Variants in DLC1 observed in about 807,000 individuals in gnomAD.
The protein encoded by DLC1 is rho GTPase-activating protein 7.
In DLC1, 54 loss-of-function variants were observed where a neutral mutation model predicts 140.3. The ratio of observed to expected loss-of-function variants is 0.38; its 90% CI spans 0.31 to 0.48. The LOEUF is 0.48. Among genes scored for constraint, DLC1 ranks in the 20% least tolerant of loss-of-function variants. The probability of loss-of-function intolerance (pLI) is 0.96; values close to 1 mark genes in which losing one functional copy is unlikely to be tolerated. For missense variants in DLC1, 2,536 were observed against 1,907.0 expected, an observed-to-expected ratio of 1.33 and a Z score of -6.14; for synonymous variants, 986 against 728.1, an observed-to-expected ratio of 1.35 and a Z score of -5.70.
intron 16 of DLC1, among the ~76,000 whole-genome samples, chr8:13,087,578 A>G (rs1817668658): frequency 6.6e-6 from 1 of 152,170 alleles, no homozygotes; most frequent in African/African-American, 2.4e-5. Flanking sequence ...TGAATGAGGA[A>G]CTCTGTACAG....
intron 5 of DLC1, among the ~76,000 whole-genome samples, chr8:13,257,885 G>A (rs1005250661): frequency 1.3e-5 from 2 of 152,138 alleles, no homozygotes; most frequent in African/African-American, 4.8e-5. Flanking sequence ...AGCTTTGTAT[G>A]CATTTTATCA....
intron 4 of DLC1, among the ~76,000 whole-genome samples, chr8:13,309,777 G>A (rs1408912799): frequency 6.6e-6 from 1 of 152,108 alleles, no homozygotes; most frequent in South Asian, 2.1e-4. Flanking sequence ...AGCTGCTAAC[G>A]TAAATAGCAT....
intron 2 of DLC1, among the ~76,000 whole-genome samples, chr8:13,490,683 G>A (rs574124682): frequency 6.6e-6 from 1 of 152,262 alleles, no homozygotes; most frequent in East Asian, 1.9e-4. Context: ...TGAGGAACAA[G>A]CTAAATCAGT....
At position 13,579,439 on chromosome 8, in the gene DLC1, T is replaced by C. The variant is rs1165307685; in HGVS notation, c.-126+25098A>G. ...ATTTTATATTATATATTTAATACAT[T>C]ATATTTTATATTATATATTTAATAC... On this transcript the variant is annotated intron_variant, in intron 1 of 1. Coordinates refer to the DLC1 transcript ENST00000631382. 3.8e-3 allele frequency among the ~76,000 whole-genome samples: 67 copies of C among 17,798 alleles called. 16 individuals are homozygous for C. The highest frequency in any genetic ancestry group is 7.5e-3 in the African/African-American group (63 of 8,356). The allele number at this position is 17,798 out of a possible 152,430, so 11.7% of individuals were successfully genotyped here.
Position 13,136,267 on chromosome 8 carries a change from T to C in DLC1, c.1349-20610A>G, listed in dbSNP as rs180945012. 1.5e-3 allele frequency among the ~76,000 whole-genome samples: 234 copies of C among 152,274 alleles called. 1 individual carries two copies. In the Middle Eastern group the frequency reaches 0.017, roughly 11 times the overall value. On this transcript the variant is annotated intron_variant, in intron 5 of 17. Transcript: ENST00000276297. ...CATGATGCTGAGGTTTGGGGTACGA[T>C]TGGTTCAGTCACCCAGGTACTAATC...
At chr8:13,225,674 G>T (rs1190252022) in intron 5 of DLC1, among the ~76,000 whole-genome samples, 2 of 150,062 alleles carry the variant, frequency 1.3e-5, no homozygotes, top group East Asian at 3.9e-4. Flanking sequence ...GGAGTGCAGA[G>T]GCGCGGCCTC....
chr8:13,401,758 T>C, intron 2 of DLC1, 139 bp from the exon 3 acceptor site: 1 of 1,079,448 alleles, frequency 9.3e-7, no homozygotes, highest in Non-Finnish European at 1.3e-6. Flanking sequence ...CCATTCTGTA[T>C]CATCAATGGG....
At chr8:13,490,824 A>G (rs1356637870) in intron 2 of DLC1, among the ~76,000 whole-genome samples, 1 of 152,040 alleles carries the variant, frequency 6.6e-6, no homozygotes, top group Non-Finnish European at 1.5e-5. Flanking sequence ...GAACTCATTA[A>G]TGATCCTGTT....
chr8:13,345,138 C>T (rs1440331350), intron 4 of DLC1, among the ~76,000 whole-genome samples: 1 of 151,994 alleles, frequency 6.6e-6, no homozygotes, highest in Non-Finnish European at 1.5e-5. Context: ...ACTCATTTGT[C>T]CACGTGTGAT....
At chr8:13,577,342 G>T (rs905048049) in intron 1 of DLC1, among the ~76,000 whole-genome samples, 1 of 152,142 alleles carries the variant, frequency 6.6e-6, no homozygotes, top group Non-Finnish European at 1.5e-5. Flanking sequence ...CTTATTATGC[G>T]ATGGGTCAGT....
intron 5 of DLC1, among the ~76,000 whole-genome samples, chr8:13,143,846 G>GAGAGAGAGAGAGAGAC (rs1476183797): frequency 0.012 from 1,787 of 148,346 alleles, 18 homozygotes; most frequent in Non-Finnish European, 0.019. Context: ...GAGAGAGAGA[G>GAGAGAGAGAGAGAGAC]AGAGAGACAT....
chr8:13,467,905 T>C (rs1298179171), intron 2 of DLC1, among the ~76,000 whole-genome samples: 2 of 152,246 alleles, frequency 1.3e-5, no homozygotes, highest in Non-Finnish European at 1.5e-5. Flanking sequence ...ATTCCTGGGA[T>C]AAACCCAATT....
At chr8:13,334,353 G>T (rs1833730940) in intron 4 of DLC1, among the ~76,000 whole-genome samples, 1 of 152,172 alleles carries the variant, frequency 6.6e-6, no homozygotes, top group Non-Finnish European at 1.5e-5. Context: ...AGGTCAGGGA[G>T]CAGGGACAGG....
intron 5 of DLC1, among the ~76,000 whole-genome samples, chr8:13,226,351 T>A (rs1389756376): frequency 6.6e-6 from 1 of 152,246 alleles, no homozygotes; most frequent in East Asian, 1.9e-4. Context: ...GAGACACAGA[T>A]AAAGTAGTGC....
At chr8:13,464,542 G>A (rs929469528) in intron 2 of DLC1, among the ~76,000 whole-genome samples, 73 of 151,562 alleles carry the variant, frequency 4.8e-4, no homozygotes, top group Non-Finnish European at 4.9e-4. Context: ...TCCCATATAT[G>A]TAAATTATAA....
In DLC1 at chr8:13,212,664, G is replaced by C. The variant is rs143233576; in HGVS notation, c.1348+92605C>G. ...TGACAAATGATTGCCCGTTTTTAAT[G>C]ATGGACTGCACAGTATTATTGACGG... On this transcript the variant is annotated intron_variant, in intron 5 of 17. Transcript: ENST00000276297. 7.3e-3 allele frequency among the ~76,000 whole-genome samples: 1,118 copies of C among 152,248 alleles called. 13 individuals carry two copies. The highest frequency in any genetic ancestry group is 0.026 in the African/African-American group (1,061 of 41,538).
At chr8:13,454,070 T>C (rs1488419537) in intron 2 of DLC1, among the ~76,000 whole-genome samples, 1 of 152,146 alleles carries the variant, frequency 6.6e-6, no homozygotes, top group Non-Finnish European at 1.5e-5. Context: ...ATTCCTTGAA[T>C]ATGGCATTAA....
At chr8:13,415,248 T>C (rs1337112065) in intron 2 of DLC1, among the ~76,000 whole-genome samples, 2 of 152,202 alleles carry the variant, frequency 1.3e-5, no homozygotes, top group Non-Finnish European at 2.9e-5. Flanking sequence ...TAAATCACTA[T>C]TTGCTAGTGA....
At position 13,308,236 on chromosome 8, in the gene DLC1, C is replaced by G. The variant is rs536761596; in HGVS notation, c.1315-2934G>C. The stretch of plus-strand genomic sequence containing the variant: ...TGGCCAATGTCCATATTTCATGTAG[C>G]CAATGCCAATTACGTTAGAATGTCA... On this transcript the variant is annotated intron_variant, in intron 4 of 17. Transcript: ENST00000276297. 1.1e-3 allele frequency among the ~76,000 whole-genome samples: 160 copies of G among 152,292 alleles called. 1 individual carries two copies. In the South Asian group the frequency reaches 0.013, roughly 13 times the overall value.
Sources: gnomAD v4.1 joint callset for allele counts (sites outside exome capture counted in the v4.1 genomes callset) on GRCh38, gnomAD v4.1.1 for gene constraint, MANE v1.5 for transcripts, NCBI Gene and HGNC (gene_info 2026-07-23, HGNC 2026-07-21) for gene names.